Variants in TMEM132C observed in about 807,000 individuals in gnomAD.
TMEM132C encodes the protein protein phosphatase 1, regulatory subunit 152.
TMEM132C carries 29 observed loss-of-function variants against 61.4 expected under a neutral mutation model. The observed-to-expected ratio is 0.47, with a 90% CI of 0.35 to 0.64. The LOEUF (loss-of-function observed/expected upper bound fraction) is 0.64, where lower values mean the gene tolerates loss of function less well. Ranked by LOEUF, TMEM132C falls within the 30% of genes least tolerant of loss-of-function variation. TMEM132C has a pLI of 0.00. For synonymous variants in TMEM132C, 656 were observed against 633.1 expected (o/e 1.04, Z -0.54); for missense variants, 1,408 against 1,476.9 (o/e 0.95, Z 0.76).
chr12:128,591,093 C>A (rs1875734149), intron 3 of TMEM132C, among the ~76,000 whole-genome samples: 1 of 152,144 alleles, frequency 6.6e-6, no homozygotes, highest in South Asian at 2.1e-4. Context: ...TTTATTGTTT[C>A]TAATATAACA....
At position 128,686,100 on chromosome 12, in the gene TMEM132C, G is replaced by A. The variant is rs374870315; in HGVS notation, c.1450-7729G>A. Among the ~76,000 whole-genome samples the A allele has an allele frequency of 6.7e-5, 10 of 149,938 alleles. No individual in the cohort carries two copies. In the East Asian group the frequency reaches 1.6e-3, roughly 23 times the overall value. ...GTGCGCATGTGTGTTGTGTGCGCAT[G>A]TGTGTGCATGTGTGTGTGCATGTAT... On this transcript the variant is annotated intron_variant, in intron 5 of 8. Coordinates refer to ENST00000435159, the MANE Select transcript of TMEM132C (RefSeq NM_001136103.3).
chr12:128,351,825 C>T (rs1274278658), intron 1 of TMEM132C, among the ~76,000 whole-genome samples: 1 of 152,162 alleles, frequency 6.6e-6, no homozygotes, highest in Non-Finnish European at 1.5e-5. Context: ...GATGAAATTT[C>T]GACATGAGAT....
At chr12:128,425,933 A>T (rs1869167583) in intron 2 of TMEM132C, among the ~76,000 whole-genome samples, 1 of 152,208 alleles carries the variant, frequency 6.6e-6, no homozygotes, top group South Asian at 2.1e-4. Flanking sequence ...TTTCCAAATC[A>T]GGTTGCGTTC....
At chr12:128,360,940 C>T (rs992824252) in intron 1 of TMEM132C, among the ~76,000 whole-genome samples, 17 of 152,130 alleles carry the variant, frequency 1.1e-4, no homozygotes, top group African/African-American at 3.9e-4. Flanking sequence ...AGAGTGTCTC[C>T]ATGCTGACCA....
rs115821499 is a variant in TMEM132C at position 128,462,525 on chromosome 12, G to A, written c.974+46905G>A. ...CCAAAATTGTTTGTAATGTGAAGTC[G>A]AAAACCTGAATATTTTTATAGAAAC... On this transcript the variant is annotated intron_variant, in intron 2 of 8. Transcript: ENST00000435159. 3.5e-3 allele frequency among the ~76,000 whole-genome samples: 534 copies of A among 152,218 alleles called. 1 individual carries two copies. Among genetic ancestry groups the A allele is most frequent in the African/African-American group, 0.012 (512 of 41,524 alleles).
Position 128,400,930 on chromosome 12 carries a change from C to T in TMEM132C, c.86-13802C>T, listed in dbSNP as rs928294932. On this transcript the variant is annotated intron_variant, in intron 1 of 8. Transcript: ENST00000435159. ...GCCTGCCCCCCAGCCCCATTCTTGA[C>T]AACAGAAAAAATCTCCAGACATTGT... Among the ~76,000 whole-genome samples, 3 of 152,150 alleles carry T rather than the reference C, an allele frequency of 2.0e-5. 1 individual carries two copies. Among genetic ancestry groups the T allele is most frequent in the East Asian group, 3.9e-4 (2 of 5,162 alleles).
chr12:128,329,554 C>T (rs1872617490), intron 1 of TMEM132C, among the ~76,000 whole-genome samples: 1 of 152,058 alleles, frequency 6.6e-6, no homozygotes, highest in African/African-American at 2.4e-5. Context: ...GGGCAGAGTC[C>T]CACTGTTCTT....
chr12:128,389,787 A>G (rs1161134492), intron 1 of TMEM132C, among the ~76,000 whole-genome samples: 9 of 152,326 alleles, frequency 5.9e-5, no homozygotes, highest in Non-Finnish European at 8.8e-5. Flanking sequence ...ACACAGGCCA[A>G]TTAAGGCCCA....
chr12:128,414,708 TTTTC>T lies in TMEM132C; in HGVS notation c.86-16_86-13del. 8 of 1,492,460 alleles carry T rather than the reference TTTTC, an allele frequency of 5.4e-6. No individual in the cohort carries two copies. Among genetic ancestry groups the T allele is most frequent in the Non-Finnish European group, 7.1e-6 (8 of 1,124,296 alleles). The allele number at this position is 1,492,460 out of a possible 1,614,324, so 92.5% of individuals were successfully genotyped here. On this transcript the variant is annotated intron_variant, in intron 1 of 8. Transcript: ENST00000435159. ...TAATAATCCTGTCTTTGTCTTTTTC[TTTTC>T]TTTCTTTTTCCCTTTTTAGTGATAG...
At chr12:128,598,537 G>A (rs79083227) in intron 3 of TMEM132C, among the ~76,000 whole-genome samples, 1 of 151,766 alleles carries the variant, frequency 6.6e-6, no homozygotes, top group East Asian at 1.9e-4. Context: ...CTTGCTCCCC[G>A]ATGTGAGAAT....
At chr12:128,329,633 C>A (rs140994242) in intron 1 of TMEM132C, among the ~76,000 whole-genome samples, 4 of 152,230 alleles carry the variant, frequency 2.6e-5, no homozygotes, top group African/African-American at 9.6e-5. Context: ...GCCCCTTGAT[C>A]AGAAGATGGT....
intron 1 of TMEM132C, among the ~76,000 whole-genome samples, chr12:128,397,708 CA>C (rs916461456): frequency 4.6e-5 from 7 of 152,120 alleles, no homozygotes; most frequent in African/African-American, 1.7e-4. Context: ...TGCACTCCTG[CA>C]GCGTGGAGTC....
At chr12:128,528,192 C>T (rs953141382) in intron 2 of TMEM132C, among the ~76,000 whole-genome samples, 1 of 152,158 alleles carries the variant, frequency 6.6e-6, no homozygotes, top group Non-Finnish European at 1.5e-5. Context: ...TTGGTTTTGT[C>T]TTCCGTTGGC....
chr12:128,316,165 A>T (rs565984558), intron 1 of TMEM132C, among the ~76,000 whole-genome samples: 1 of 152,124 alleles, frequency 6.6e-6, no homozygotes, highest in Non-Finnish European at 1.5e-5. Context: ...AAGAAGGCAC[A>T]GTCACCTGAG....
intron 8 of TMEM132C, among the ~76,000 whole-genome samples, chr12:128,703,732 T>C (rs1954818376): frequency 6.6e-6 from 1 of 152,260 alleles, no homozygotes; most frequent in African/African-American, 2.4e-5. Flanking sequence ...GATGAACATA[T>C]GCGTGCATGT....
intron 3 of TMEM132C, among the ~76,000 whole-genome samples, chr12:128,592,059 G>GAAA (rs55727528): frequency 7.2e-5 from 9 of 125,456 alleles, no homozygotes; most frequent in Admixed American, 8.4e-5. Flanking sequence ...AAAAAAAAAA[G>GAAA]AAAAAAAAAA....
At chr12:128,686,078 C>CATGTGTGTTGTGTGT (rs376733187) in intron 5 of TMEM132C, among the ~76,000 whole-genome samples, 21 of 62,240 alleles carry the variant, frequency 3.4e-4, no homozygotes, top group Admixed American at 1.2e-3. Flanking sequence ...TGCGTGTGTG[C>CATGTGTGTTGTGTGT]GCATGTGTGT....
chr12:128,686,804 C>T (rs1336897846), intron 5 of TMEM132C, among the ~76,000 whole-genome samples: 1 of 152,068 alleles, frequency 6.6e-6, no homozygotes, highest in Admixed American at 6.5e-5. Flanking sequence ...ACACATAAAG[C>T]GAGCAGGTAA....
intron 1 of TMEM132C, among the ~76,000 whole-genome samples, chr12:128,353,579 C>T (rs1450852026): frequency 6.6e-6 from 1 of 152,202 alleles, no homozygotes; most frequent in East Asian, 1.9e-4. Flanking sequence ...CTTTGCGCAG[C>T]TCCTCCCCTC....
Sources: gnomAD v4.1 joint callset for allele counts (sites outside exome capture counted in the v4.1 genomes callset) on GRCh38, gnomAD v4.1.1 for gene constraint, MANE v1.5 for transcripts, NCBI Gene and HGNC (gene_info 2026-07-23, HGNC 2026-07-21) for gene names.